CALHM4: variants seen among roughly 807,000 people sequenced by gnomAD.
CALHM4 encodes the protein calcium homeostasis modulator protein 4.
Under a neutral mutation model 13.3 loss-of-function variants are expected in CALHM4, and 16 were observed. That is an observed-to-expected ratio of 1.20 (90% CI 0.81 to 1.82). The LOEUF is 1.82. CALHM4 is among the 40% of genes most tolerant of loss of function. The pLI, the probability that CALHM4 is intolerant of heterozygous loss-of-function variation, is 0.00. For missense variants in CALHM4, 344 were observed against 374.9 expected (o/e 0.92, Z 0.68); for synonymous variants, 127 against 137.1 (o/e 0.93, Z 0.52).
At chr6:116,530,242 A>G (rs756880889) in intron 1 of CALHM4, among the ~76,000 whole-genome samples, 11 of 152,240 alleles carry the variant, frequency 7.2e-5, no homozygotes, top group South Asian at 2.1e-4. Flanking sequence ...AAGAAAAAGG[A>G]AAAAACAGCC....
At chr6:116,529,429 A>G (rs888568659) in intron 1 of CALHM4, among the ~76,000 whole-genome samples, 2 of 152,212 alleles carry the variant, frequency 1.3e-5, no homozygotes, top group Non-Finnish European at 2.9e-5. Context: ...GAAGGGAAAT[A>G]TGGGGTAGCC....
exon 2 of CALHM4, chr6:116,543,777 A>C: frequency 1.3e-6 from 2 of 1,503,628 alleles, no homozygotes; most frequent in Non-Finnish European, 1.8e-6. Context: ...GGAAGCAAGA[A>C]TTGGATAAGA....
At chr6:116,532,622 C>T (rs1268130368) in intron 1 of CALHM4, among the ~76,000 whole-genome samples, 2 of 152,236 alleles carry the variant, frequency 1.3e-5, no homozygotes, top group Non-Finnish European at 2.9e-5. Context: ...ATTATCATAA[C>T]TTTGGGAAAC....
At chr6:116,557,269 G>A (rs1308832800) in intron 1 of CALHM4, among the ~76,000 whole-genome samples, 1 of 152,058 alleles carries the variant, frequency 6.6e-6, no homozygotes, top group African/African-American at 2.4e-5. Context: ...TTAGAAACAT[G>A]AGTCTCTTCA....
At chr6:116,534,210 T>C (rs1228640661) in intron 1 of CALHM4, among the ~76,000 whole-genome samples, 1 of 152,202 alleles carries the variant, frequency 6.6e-6, no homozygotes, top group East Asian at 1.9e-4. Flanking sequence ...TCCTGTCTCC[T>C]GACTGAAACC....
chr6:116,550,909 C>A (rs1774048045), upstream of CALHM4, among the ~76,000 whole-genome samples: 1 of 152,148 alleles, frequency 6.6e-6, no homozygotes, highest in Non-Finnish European at 1.5e-5. Flanking sequence ...TGATCAGAGA[C>A]CATACTCTGA....
chr6:116,543,310 C>A, intron 1 of CALHM4: 1 of 1,548,036 alleles, frequency 6.5e-7, no homozygotes, highest in Non-Finnish European at 8.7e-7. Flanking sequence ...TACATTTTAT[C>A]TAAATATTGG....
chr6:116,558,913 C>A lies in CALHM4; in HGVS notation c.*702C>A, dbSNP rs572820028. ...TATTAGTATCATGTTATTTGTAGCA[C>A]CTCCATACTAGGAGCATTTTTATGG... On this transcript the variant is annotated 3_prime_UTR_variant, in exon 2 of 2. Transcript: ENST00000368596. The A allele has an allele frequency of 2.0e-5, 3 of 152,262 alleles. No homozygotes were observed. The East Asian group carries it at 5.8e-4, about 29-fold the overall frequency. The allele number at this position is 152,262 out of a possible 1,614,324, so 9.4% of individuals were successfully genotyped here. A position where few individuals can be genotyped will look rare whatever the true frequency, so the allele number is the denominator to read the frequency against.
At chr6:116,549,980 TTATATATATATATATA>T (rs10544532), upstream of CALHM4, among the ~76,000 whole-genome samples, 611 of 81,994 alleles carry the variant, frequency 7.5e-3, 7 homozygotes, top group African/African-American at 0.023. Context: ...CCATCTTAAA[TTATATATATATATATA>T]TATATATATA....
rs1774210590 is a variant in CALHM4 at position 116,554,282 on chromosome 6, C to A, written c.489C>A (p.Cys163Ter). Residue 163 changes from cysteine to a stop codon, truncating the protein, a stop_gained, in exon 1 of 2, where the codon TGC (cysteine) becomes TGA (stop). Transcript: ENST00000368596. LOFTEE classifies it high-confidence loss of function. ...AGATCCTGGCTGGGTTTCCATGTTG[C>A]AGATCAGCTCCTTCTGACGTGATCC... is the stretch of plus-strand genomic sequence containing the variant. ...REEILAGFPC[C>*]RSAPSDVILV... The A allele has an allele frequency of 7.1e-6, 11 of 1,550,468 alleles. No homozygotes were observed. The highest frequency in any genetic ancestry group is 8.7e-6 in the Non-Finnish European group (10 of 1,147,004).
chr6:116,548,767 T>A (rs1773919624), upstream of CALHM4, among the ~76,000 whole-genome samples: 1 of 152,182 alleles, frequency 6.6e-6, no homozygotes, highest in Non-Finnish European at 1.5e-5. Flanking sequence ...TCAGAACACT[T>A]ACATTAGCCT....
Position 116,554,338 on chromosome 6 carries a change from G to C in CALHM4, c.545G>C (p.Arg182Thr), listed in dbSNP as rs1182664002. Residue 182 changes from arginine (R) to threonine (T), a missense_variant, in exon 1 of 2, where the codon AGA (arginine) becomes ACA (threonine). By Grantham distance (71) the Arg-to-Thr change is moderately conservative. Transcript: ENST00000368596. ...AGAGATGAAATAGCTCTTCTGCACA[G>C]ATACCAGTCACAGGTAAGTTTTTAG... ...LVRDEIALLHRYQSQMLGWIL... is the reference protein window; with the variant it reads ...LVRDEIALLHTYQSQMLGWIL... The C allele has an allele frequency of 3.6e-5, 55 of 1,537,060 alleles. No individual in the cohort carries two copies. The East Asian group carries it at 8.6e-4, about 24-fold the overall frequency.
upstream of CALHM4, among the ~76,000 whole-genome samples, chr6:116,549,737 A>G (rs1773965982): frequency 1.3e-5 from 2 of 151,490 alleles, no homozygotes; most frequent in South Asian, 4.2e-4. Flanking sequence ...GCACTTTGGG[A>G]GGCCGAGGTA....
rs144076743 is a variant in CALHM4, at chr6:116,532,236, GTTC to G, written c.-109+3051_-109+3053del. Among the ~76,000 whole-genome samples, 441 of 152,256 alleles carry G rather than the reference GTTC, an allele frequency of 2.9e-3. 9 individuals carry two copies. In the East Asian group the frequency reaches 0.077, roughly 27 times the overall value. ...GAGCAACAGGGTGTAGATGTGAAAA[GTTC>G]TTCTAGTATTTTCTCTCTTTTTTGT... On this transcript the variant is annotated intron_variant, in intron 1 of 2. Transcript: ENST00000368597.
At chr6:116,550,698 C>T (rs1007375527), upstream of CALHM4, among the ~76,000 whole-genome samples, 1 of 151,968 alleles carries the variant, frequency 6.6e-6, no homozygotes, top group Non-Finnish European at 1.5e-5. Context: ...TTTGTATTTC[C>T]TCTTTTTTGA....
intron 1 of CALHM4, among the ~76,000 whole-genome samples, chr6:116,541,574 A>G (rs935967422): frequency 3.3e-5 from 5 of 152,196 alleles, no homozygotes; most frequent in African/African-American, 1.2e-4. Flanking sequence ...GAGATATCCT[A>G]TTTATATTTC....
intron 1 of CALHM4, among the ~76,000 whole-genome samples, chr6:116,536,105 T>A (rs1773069575): frequency 6.6e-6 from 1 of 152,230 alleles, no homozygotes; most frequent in South Asian, 2.1e-4. Flanking sequence ...AATTAGTATG[T>A]CTTATTTAAT....
chr6:116,530,375 A>G (rs1423689400), intron 1 of CALHM4, among the ~76,000 whole-genome samples: 1 of 152,196 alleles, frequency 6.6e-6, no homozygotes. Flanking sequence ...AAGAAAACAC[A>G]CAGAATGTCA....
At position 116,560,516 on chromosome 6, in the gene CALHM4, G is replaced by A. The variant is rs1288103668; in HGVS notation, c.*2305G>A. ...TTCTGGCAAAGGATTCTAAGTATTC[G>A]TTGGCTCTTCTACATGGCTTCAGAA... is the stretch of plus-strand genomic sequence containing the variant. On this transcript the variant is annotated 3_prime_UTR_variant, in exon 2 of 2. Transcript: ENST00000368596. 6.6e-6 allele frequency among the ~76,000 whole-genome samples: 1 copy of A among 151,924 alleles called. No individual in the cohort carries two copies.
Sources: gnomAD v4.1 joint callset for allele counts (sites outside exome capture counted in the v4.1 genomes callset) on GRCh38, gnomAD v4.1.1 for gene constraint, MANE v1.5 for transcripts, NCBI Gene and HGNC (gene_info 2026-07-23, HGNC 2026-07-21) for gene names.